Variants in RASA3 observed in about 807,000 individuals in gnomAD.
The protein encoded by RASA3 is RAS p21 protein activator 3.
In RASA3, 73 loss-of-function variants were observed where a neutral mutation model predicts 110.0. The ratio of observed to expected loss-of-function variants is 0.66; its 90% CI spans 0.55 to 0.81. The LOEUF is 0.81. RASA3 is among the 30% of genes least tolerant of loss of function. The pLI is 0.00. For missense variants in RASA3, 976 were observed against 1,113.2 expected (o/e 0.88, Z 1.75); for synonymous variants, 500 against 451.4 (o/e 1.11, Z -1.37).
Position 114,011,550 on chromosome 13 carries a change from C to T in RASA3, c.1513-302G>A, listed in dbSNP as rs1176873412. On this transcript the variant is annotated intron_variant, in intron 15 of 23. Transcript: ENST00000334062. This position sits in a 1 kb window ranked among gnomAD's most constrained non-coding sequence, Gnocchi z 4.8. ...ATCAGGTGGGGTCATGGCTCTGGGG[C>T]GCTGAGTCTCGGGGTGCTGAGTCTC... 2.6e-5 allele frequency among the ~76,000 whole-genome samples: 4 copies of T among 152,098 alleles called. No individual in the cohort carries two copies. Among genetic ancestry groups the T allele is most frequent in the African/African-American group, 7.2e-5 (3 of 41,408 alleles).
At chr13:114,049,339 A>G (rs1412364597) in intron 3 of RASA3, among the ~76,000 whole-genome samples, 1 of 152,060 alleles carries the variant, frequency 6.6e-6, no homozygotes, top group Non-Finnish European at 1.5e-5. Flanking sequence ...ACAGCCACCC[A>G]TTTTCATAGC....
chr13:114,048,341 G>C lies in RASA3; in HGVS notation c.277+3711C>G, dbSNP rs908397810. Among the ~76,000 whole-genome samples, 2 of 151,134 alleles carry C rather than the reference G, an allele frequency of 1.3e-5. No homozygotes were observed. The highest frequency in any genetic ancestry group is 4.9e-5 in the African/African-American group (2 of 41,130). Reference sequence around the variant, plus strand: ...AAAAAAAAAAAAAAGAAGAAGAAAAGAATGGAGGTCTCACTGCACCCCCAC... The same window carrying C: ...AAAAAAAAAAAAAAGAAGAAGAAAACAATGGAGGTCTCACTGCACCCCCAC... On this transcript the variant is annotated intron_variant, in intron 3 of 23. Transcript: ENST00000334062. This position sits in a 1 kb window ranked among gnomAD's most constrained non-coding sequence, Gnocchi z 4.3.
intron 2 of RASA3, among the ~76,000 whole-genome samples, chr13:114,070,799 C>T (rs1172140263): frequency 9.2e-5 from 12 of 130,708 alleles, no homozygotes; most frequent in East Asian, 4.6e-4. Context: ...CCACGCTAAA[C>T]GGCGCCACAG....
In RASA3 at chr13:114,056,594, G is replaced by T. The variant is rs1594398181; in HGVS notation, c.174-4439C>A. ...TCTGCTTGGCAGTGGGGGGCTCGGT[G>T]GGGGGAGGCCCGTGCTGGCTGGGCA... On this transcript the variant is annotated intron_variant, in intron 2 of 23. Coordinates refer to ENST00000334062, the MANE Select transcript of RASA3 (RefSeq NM_007368.4). The surrounding 1 kb of genome is among the most constrained non-coding windows in gnomAD (Gnocchi z 5.7). 3.0e-6 allele frequency: 3 copies of T among 985,172 alleles called. No individual in the cohort carries two copies. Among genetic ancestry groups the T allele is most frequent in the Non-Finnish European group, 3.6e-6 (3 of 829,868 alleles). 61.0% of individuals were successfully genotyped at this position (985,172 alleles called of 1,614,324 possible). A position where few individuals can be genotyped will look rare whatever the true frequency, so the allele number is the denominator to read the frequency against.
At chr13:114,064,677 T>A (rs2079415809) in intron 2 of RASA3, among the ~76,000 whole-genome samples, 1 of 152,252 alleles carries the variant, frequency 6.6e-6, no homozygotes. Context: ...CAATCTCTTC[T>A]TTCTGATGGA....
rs1367312840 is a variant in RASA3 at position 114,029,726 on chromosome 13, G to A, written c.449+85C>T. ...CCACCGGCTCTGGAAATTCTTGTGC[G>A]TTGGTGTGAAAACCCCTGTGTGCTC... On this transcript the variant is annotated intron_variant, in intron 5 of 23. Transcript: ENST00000334062. 3.2e-5 allele frequency: 41 copies of A among 1,290,630 alleles called. No individual in the cohort carries two copies. In the Middle Eastern group the frequency reaches 7.2e-4, roughly 23 times the overall value. 79.9% of individuals were successfully genotyped at this position (1,290,630 alleles called of 1,614,324 possible).
intron 22 of RASA3, 126 bp downstream of exon 22, chr13:113,992,359 A>T (rs1196088645): frequency 1.5e-6 from 1 of 674,188 alleles, no homozygotes; most frequent in Admixed American, 2.6e-5. Context: ...TACAAAGACA[A>T]CTACATGTAG....
intron 1 of RASA3, chr13:114,077,832 G>A (rs2079717403): frequency 1.0e-6 from 1 of 984,364 alleles, no homozygotes; most frequent in South Asian, 4.7e-5. Context: ...GTCATCTGGG[G>A]CTGAGACTCT....
chr13:114,104,333 G>C (rs74212199), intron 1 of RASA3, among the ~76,000 whole-genome samples: 427 of 21,900 alleles, frequency 0.019, 5 homozygotes, highest in East Asian at 0.066. Flanking sequence ...CCACACTGCC[G>C]CCGGCCACGG....
In RASA3 at chr13:113,979,093, C is replaced by A. The variant is rs375320587; in HGVS notation, c.*254G>T. 54 of 518,272 alleles carry A rather than the reference C, an allele frequency of 1.0e-4. No homozygotes were observed. The highest frequency in any genetic ancestry group is 7.6e-4 in the African/African-American group (40 of 52,292). The allele number at this position is 518,272 out of a possible 1,614,324, so 32.1% of individuals were successfully genotyped here. Reference sequence around the variant, plus strand: ...CTGATCCTTCAGCTGATCCCCAGATCCCCACAAACAAGGAGCAAAAAGCAC... The same window carrying A: ...CTGATCCTTCAGCTGATCCCCAGATACCCACAAACAAGGAGCAAAAAGCAC... On this transcript the variant is annotated 3_prime_UTR_variant, in exon 24 of 24. Transcript: ENST00000334062.
chr13:114,066,236 C>T (rs2079447361), intron 2 of RASA3, among the ~76,000 whole-genome samples: 1 of 152,166 alleles, frequency 6.6e-6, no homozygotes. Context: ...GGCCCGGCCA[C>T]GATGTGTGAC....
intron 1 of RASA3, among the ~76,000 whole-genome samples, chr13:114,108,371 C>T (rs1344868009): frequency 6.8e-6 from 1 of 146,262 alleles, no homozygotes; most frequent in Non-Finnish European, 1.5e-5. Context: ...ACCCCGCGTC[C>T]ATCACCCCCA....
intron 1 of RASA3, among the ~76,000 whole-genome samples, chr13:114,122,046 C>G (rs577106010): frequency 6.6e-6 from 1 of 152,366 alleles, no homozygotes; most frequent in African/African-American, 2.4e-5. Context: ...CACCGCAAAT[C>G]CCAGAATCTC....
At chr13:114,078,430 TAAAAG>T (rs1295551177) in intron 1 of RASA3, among the ~76,000 whole-genome samples, 1 of 152,186 alleles carries the variant, frequency 6.6e-6, no homozygotes, top group Non-Finnish European at 1.5e-5. Flanking sequence ...ATAAATGAAT[TAAAAG>T]AAAAGTAAAC....
rs1222015172 is a variant in RASA3 at position 114,012,151 on chromosome 13, G to A, written c.1513-903C>T. 3.3e-5 allele frequency among the ~76,000 whole-genome samples: 5 copies of A among 152,050 alleles called. No homozygotes were observed. The South Asian group carries it at 6.2e-4, about 19-fold the overall frequency. On this transcript the variant is annotated intron_variant, in intron 15 of 23. Coordinates refer to ENST00000334062, the MANE Select transcript of RASA3 (RefSeq NM_007368.4). ...ATCATCAATACTCCATATGTGATGG[G>A]CAGGGGAGGAGAGCAGGGCGGTGAC...
intron 9 of RASA3, among the ~76,000 whole-genome samples, chr13:114,020,365 C>T (rs2053900298): frequency 6.6e-6 from 1 of 152,204 alleles, no homozygotes; most frequent in Non-Finnish European, 1.5e-5. Flanking sequence ...CCCTGGGGCT[C>T]TCTGGGGTAT....
In RASA3 at chr13:114,042,312, C is replaced by T. The variant is rs138510084; in HGVS notation, c.278-1218G>A. Among the ~76,000 whole-genome samples, 22 of 152,388 alleles carry T rather than the reference C, an allele frequency of 1.4e-4. 1 individual carries two copies. In the South Asian group the frequency reaches 2.1e-3, roughly 14 times the overall value. Reference sequence around the variant, plus strand: ...ACACTGCGGACCACGCCACCCACCACGGTGAGCACCCACGGCAGCACATGC... The same window carrying T: ...ACACTGCGGACCACGCCACCCACCATGGTGAGCACCCACGGCAGCACATGC... On this transcript the variant is annotated intron_variant, in intron 3 of 23. Transcript: ENST00000334062.
chr13:114,020,270 G>A (rs1013939069), intron 9 of RASA3, among the ~76,000 whole-genome samples: 10 of 139,384 alleles, frequency 7.2e-5, no homozygotes, highest in Non-Finnish European at 9.4e-5. Flanking sequence ...TAGCAACCCC[G>A]GTCAGGTGGG....
rs1290110459 is a variant in RASA3 at position 114,048,875 on chromosome 13, G to A, written c.277+3177C>T. ...CTGCAGCCGGTGGAGGTGCCGGGGT[G>A]GGCTGGGGAGGGCTGAGGGCAGGCC... is the stretch of plus-strand genomic sequence containing the variant. On this transcript the variant is annotated intron_variant, in intron 3 of 23. Coordinates refer to ENST00000334062, the MANE Select transcript of RASA3 (RefSeq NM_007368.4). The surrounding 1 kb of genome is among the most constrained non-coding windows in gnomAD (Gnocchi z 4.3). 6.6e-6 allele frequency among the ~76,000 whole-genome samples: 1 copy of A among 152,052 alleles called. No individual in the cohort carries two copies. The highest frequency in any genetic ancestry group is 2.4e-5 in the African/African-American group (1 of 41,392).
Sources: allele counts gnomAD v4.1 joint callset (sites outside exome capture counted in the v4.1 genomes callset), GRCh38; gene constraint gnomAD v4.1.1; non-coding constraint Gnocchi (gnomAD v3.1); transcripts MANE v1.5; gene names NCBI Gene and HGNC (gene_info 2026-07-23, HGNC 2026-07-21).